CNNM2: variants seen among roughly 807,000 people sequenced by gnomAD.
CNNM2 encodes cyclin and CBS domain divalent metal cation transport mediator 2, also known as metal transporter CNNM2.
Under a neutral mutation model 66.9 loss-of-function variants are expected in CNNM2, and 12 were observed. That is an observed-to-expected ratio of 0.18 (90% CI 0.11 to 0.29). The LOEUF is 0.29. Ranked by LOEUF, CNNM2 falls within the 10% of genes least tolerant of loss-of-function variation. The pLI is 1.00. For synonymous variants in CNNM2, 557 were observed against 501.8 expected (o/e 1.11, Z -1.47); for missense variants, 705 against 1,167.7 (o/e 0.60, Z 5.77).
intron 1 of CNNM2, among the ~76,000 whole-genome samples, chr10:102,920,687 A>G (rs910952381): frequency 7.3e-6 from 1 of 137,422 alleles, no homozygotes; most frequent in Non-Finnish European, 1.6e-5. Context: ...GGGTGGGGTA[A>G]ACTAAGTATC....
rs1277731786 is a variant in CNNM2, at chr10:103,079,516, C to A, written c.*2336C>A. Reference sequence around the variant, plus strand: ...AGAGCTCTGCTGTTCCTTTATAAATCCTAAAGAACTGAGTCTGGGGAGAGG... The same window carrying A: ...AGAGCTCTGCTGTTCCTTTATAAATACTAAAGAACTGAGTCTGGGGAGAGG... On this transcript the variant is annotated 3_prime_UTR_variant, in exon 8 of 8. Coordinates refer to ENST00000369878, the MANE Select transcript of CNNM2 (RefSeq NM_017649.5). The A allele has an allele frequency of 2.6e-5, 4 of 152,252 alleles. No individual in the cohort carries two copies. Among genetic ancestry groups the A allele is most frequent in the Non-Finnish European group, 2.9e-5 (2 of 68,108 alleles). The allele number at this position is 152,252 out of a possible 1,614,324, so 9.4% of individuals were successfully genotyped here.
At chr10:102,956,276 A>G (rs1847032051) in intron 1 of CNNM2, among the ~76,000 whole-genome samples, 2 of 146,226 alleles carry the variant, frequency 1.4e-5, no homozygotes, top group African/African-American at 5.1e-5. Flanking sequence ...CAATAAGAGC[A>G]AGATTCCATC....
chr10:102,976,495 G>C (rs545899470), intron 1 of CNNM2, among the ~76,000 whole-genome samples: 199 of 139,888 alleles, frequency 1.4e-3, no homozygotes, highest in African/African-American at 5.1e-3. Context: ...GTGCAGGGGT[G>C]TGATTGCAGC....
rs115693040 is a variant in CNNM2, at chr10:102,960,173, G to A, written c.1621+40072G>A. On this transcript the variant is annotated intron_variant, in intron 1 of 7. Transcript: ENST00000369878. ...TGAAGAGCTCAGCACAGTGCCTGAC[G>A]CATGCTACGTGCCCAGGAAAAGTAG... Among the ~76,000 whole-genome samples, 170 of 152,274 alleles carry A rather than the reference G, an allele frequency of 1.1e-3. 1 individual carries two copies. The highest frequency in any genetic ancestry group is 3.9e-3 in the African/African-American group (161 of 41,560).
Position 103,089,569 on chromosome 10 carries a change from G to A in CNNM2, c.*12389G>A. ...ACTTTTCAGACGTACCTTTCATGGAGCCCCCTCCCTCCCCCGAGTAGAACC... is the reference window on the plus strand; with the variant it reads ...ACTTTTCAGACGTACCTTTCATGGAACCCCCTCCCTCCCCCGAGTAGAACC... On this transcript the variant is annotated 3_prime_UTR_variant, in exon 8 of 8. Coordinates refer to ENST00000369878, the MANE Select transcript of CNNM2 (RefSeq NM_017649.5). The A allele has an allele frequency of 7.0e-7, 1 of 1,425,088 alleles. No individual in the cohort carries two copies. The allele number at this position is 1,425,088 out of a possible 1,614,324, so 88.3% of individuals were successfully genotyped here. A position where few individuals can be genotyped will look rare whatever the true frequency, so the allele number is the denominator to read the frequency against.
chr10:103,081,830 T>C lies in CNNM2; in HGVS notation c.*4650T>C, dbSNP rs763914. 0.31 allele frequency: 47,278 copies of C among 152,068 alleles called. 7,503 individuals carry two copies. Among genetic ancestry groups the C allele is most frequent in the Middle Eastern group, 0.36 (104 of 292 alleles). 9.4% of individuals were successfully genotyped at this position (152,068 alleles called of 1,614,324 possible). A position where few individuals can be genotyped will look rare whatever the true frequency, so the allele number is the denominator to read the frequency against. On this transcript the variant is annotated 3_prime_UTR_variant, in exon 8 of 8. Coordinates refer to ENST00000369878, the MANE Select transcript of CNNM2 (RefSeq NM_017649.5). ...TACGGATGCGAAGAAGAGATGGCAG[T>C]TCACAGCAACTGCATAGAGTAGGGA...
chr10:103,071,873 T>C (rs976317642), intron 6 of CNNM2, 34 bp downstream of exon 6: 6 of 1,596,108 alleles, frequency 3.8e-6, no homozygotes, highest in Admixed American at 1.7e-5. Context: ...GTAATTCTCC[T>C]GATTGCCTTC....
At chr10:103,034,403 C>T (rs2064890574) in intron 1 of CNNM2, among the ~76,000 whole-genome samples, 1 of 151,908 alleles carries the variant, frequency 6.6e-6, no homozygotes, top group Admixed American at 6.6e-5. Flanking sequence ...GACCTCATTC[C>T]TCTCCTTAAA....
At chr10:102,968,622 T>C (rs991822162) in intron 1 of CNNM2, among the ~76,000 whole-genome samples, 1 of 151,782 alleles carries the variant, frequency 6.6e-6, no homozygotes, top group African/African-American at 2.4e-5. Flanking sequence ...TTTTTTTTTT[T>C]CTTTGAGACA....
Position 102,952,496 on chromosome 10 carries a change from G to A in CNNM2, c.1621+32395G>A, listed in dbSNP as rs531425167. Among the ~76,000 whole-genome samples, 48 of 152,078 alleles carry A rather than the reference G, an allele frequency of 3.2e-4. No homozygotes were observed. In the South Asian group the frequency reaches 5.2e-3, roughly 16 times the overall value. Reference sequence around the variant, plus strand: ...GGAGAATGGCATGAACCTGGGAGGCGGAGCTTGCAGTGAGCCGAGATTGCA... The same window carrying A: ...GGAGAATGGCATGAACCTGGGAGGCAGAGCTTGCAGTGAGCCGAGATTGCA... On this transcript the variant is annotated intron_variant, in intron 1 of 7. Coordinates refer to ENST00000369878, the MANE Select transcript of CNNM2 (RefSeq NM_017649.5).
At chr10:103,058,120 C>G (rs2065325342) in intron 4 of CNNM2, among the ~76,000 whole-genome samples, 1 of 152,202 alleles carries the variant, frequency 6.6e-6, no homozygotes, top group African/African-American at 2.4e-5. Flanking sequence ...CGAGGGTTAG[C>G]TGATTACATG....
rs557116244 is a variant in CNNM2 at position 103,055,483 on chromosome 10, G to A, written c.1903+1017G>A. 3.3e-5 allele frequency among the ~76,000 whole-genome samples: 5 copies of A among 152,374 alleles called. No homozygotes were observed. In the South Asian group the frequency reaches 1.0e-3, roughly 32 times the overall value. On this transcript the variant is annotated intron_variant, in intron 3 of 7. Transcript: ENST00000369878. The stretch of plus-strand genomic sequence containing the variant: ...TAAAACTATGTGTACATTAAGATTA[G>A]AGTTGTGTTTTTGTGTGTACACACA...
At chr10:102,927,917 G>C (rs568341897) in intron 1 of CNNM2, among the ~76,000 whole-genome samples, 1 of 152,138 alleles carries the variant, frequency 6.6e-6, no homozygotes, top group Non-Finnish European at 1.5e-5. Context: ...AGATCTTCGT[G>C]TCATCCTATT....
chr10:102,929,249 ACT>A (rs1330826199), intron 1 of CNNM2, among the ~76,000 whole-genome samples: 2 of 149,772 alleles, frequency 1.3e-5, no homozygotes, highest in Non-Finnish European at 3.0e-5. Context: ...ACAGAGCGAG[ACT>A]CTGTCTCAAA....
intron 1 of CNNM2, chr10:102,927,270 A>T: frequency 6.3e-7 from 1 of 1,597,742 alleles, no homozygotes; most frequent in South Asian, 1.1e-5. Flanking sequence ...AAACTCAAAC[A>T]TGTGGAAGTG....
chr10:103,027,117 C>T (rs1484036608), intron 1 of CNNM2, among the ~76,000 whole-genome samples: 1 of 152,100 alleles, frequency 6.6e-6, no homozygotes, highest in Admixed American at 6.6e-5. Flanking sequence ...CTTCTCATTC[C>T]CTCAGTCTTT....
chr10:102,920,117 C>T lies in CNNM2; in HGVS notation c.1621+16C>T, dbSNP rs755806846. On this transcript the variant is annotated intron_variant, in intron 1 of 7. Coordinates refer to ENST00000369878, the MANE Select transcript of CNNM2 (RefSeq NM_017649.5). Reference sequence around the variant, plus strand: ...TTTAAGAAAGGTGGGAAATTTTGGTCTCTTTCATTGGCTTGCTCTTTCTCT... The same window carrying T: ...TTTAAGAAAGGTGGGAAATTTTGGTTTCTTTCATTGGCTTGCTCTTTCTCT... 42 of 1,613,984 alleles carry T rather than the reference C, an allele frequency of 2.6e-5. No individual in the cohort carries two copies. The highest frequency in any genetic ancestry group is 3.4e-5 in the Non-Finnish European group (40 of 1,180,048).
chr10:103,070,372 A>C (rs2065556150), intron 5 of CNNM2, among the ~76,000 whole-genome samples: 1 of 152,152 alleles, frequency 6.6e-6, no homozygotes, highest in Admixed American at 6.5e-5. Flanking sequence ...ATGCCAGCTC[A>C]TGTGATTATT....
rs2065748023 is a variant in CNNM2 at position 103,080,550 on chromosome 10, C to G, written c.*3370C>G. On this transcript the variant is annotated 3_prime_UTR_variant, in exon 8 of 8. Coordinates refer to ENST00000369878, the MANE Select transcript of CNNM2 (RefSeq NM_017649.5). ...TCCTCCCTCCTCACCTCACTCCCTG[C>G]AGGGAGTTCAATGCCATGTTGAAGT... is the stretch of plus-strand genomic sequence containing the variant. 1.3e-5 allele frequency: 2 copies of G among 152,150 alleles called. No homozygotes were observed. The highest frequency in any genetic ancestry group is 6.5e-5 in the Admixed American group (1 of 15,282). 9.4% of individuals were successfully genotyped at this position (152,150 alleles called of 1,614,324 possible).
Sources: allele counts gnomAD v4.1 joint callset (sites outside exome capture counted in the v4.1 genomes callset), GRCh38; gene constraint gnomAD v4.1.1; transcripts MANE v1.5; gene names NCBI Gene and HGNC (gene_info 2026-07-23, HGNC 2026-07-21).